ESR1: variants seen among roughly 807,000 people sequenced by gnomAD.
ESR1 encodes estrogen receptor 1.
ESR1 carries 12 observed loss-of-function variants against 52.7 expected under a neutral mutation model. The ratio of observed to expected loss-of-function variants is 0.23; its 90% CI spans 0.15 to 0.37. The LOEUF is 0.37. Among genes scored for constraint, ESR1 ranks in the 10% least tolerant of loss-of-function variants. ESR1 has a pLI of 1.00. For missense variants in ESR1, 584 were observed against 779.7 expected, an observed-to-expected ratio of 0.75 and a Z score of 2.99; for synonymous variants, 305 against 316.8, an observed-to-expected ratio of 0.96 and a Z score of 0.39.
intron 4 of ESR1, among the ~76,000 whole-genome samples, chr6:151,959,759 G>C (rs1260710307): frequency 6.6e-6 from 1 of 152,094 alleles, no homozygotes; most frequent in South Asian, 2.1e-4. Flanking sequence ...AACTGAAGTT[G>C]GTTGAGCTTT....
chr6:151,943,098 G>T (rs2035271840), intron 3 of ESR1, among the ~76,000 whole-genome samples: 1 of 152,008 alleles, frequency 6.6e-6, no homozygotes, highest in African/African-American at 2.4e-5. Flanking sequence ...CCTTTGTGGG[G>T]GGCCGGGCAC....
At chr6:151,811,569 G>A (rs1778840627) in intron 1 of ESR1, among the ~76,000 whole-genome samples, 1 of 152,026 alleles carries the variant, frequency 6.6e-6, no homozygotes, top group African/African-American at 2.4e-5. Flanking sequence ...TGCATATTTT[G>A]GACAACTAAT....
In ESR1 at chr6:151,703,853, A is replaced by G. The variant is rs1001902723; in HGVS notation, c.-71+1848A>G. Among the ~76,000 whole-genome samples, 35 of 152,276 alleles carry G rather than the reference A, an allele frequency of 2.3e-4. 1 individual carries two copies. Among genetic ancestry groups the G allele is most frequent in the Admixed American group, 1.9e-3 (29 of 15,304 alleles). ...TTGAAGTCTTAGATCCAAAACTTTG[A>G]TTCCAGAAAGGTCTAAGGTGCTGTT... On this transcript the variant is annotated intron_variant, in intron 2 of 2. Coordinates refer to the ESR1 transcript ENST00000404742.
chr6:151,975,672 G>A (rs1421044214), intron 4 of ESR1, among the ~76,000 whole-genome samples: 1 of 152,080 alleles, frequency 6.6e-6, no homozygotes, highest in Non-Finnish European at 1.5e-5. Context: ...CACACATTAT[G>A]GAGAATAATC....
At chr6:151,790,624 CT>C (rs1053982894) in intron 2 of ESR1, among the ~76,000 whole-genome samples, 38 of 150,990 alleles carry the variant, frequency 2.5e-4, no homozygotes, top group African/African-American at 9.3e-4. Flanking sequence ...TTAGACTTTA[CT>C]TTGGAATGTG....
At chr6:151,819,543 A>G (rs1381377979) in intron 1 of ESR1, among the ~76,000 whole-genome samples, 2 of 152,196 alleles carry the variant, frequency 1.3e-5, no homozygotes, top group East Asian at 3.9e-4. Context: ...TGAACTGTGT[A>G]TGTGAGGGAT....
At position 151,974,879 on chromosome 6, in the gene ESR1, A is replaced by G. The variant is rs1468053524; in HGVS notation, c.1096+30371A>G. Reference sequence around the variant, plus strand: ...CGCTCTGTCTCTGCCTAGCAGCGCTAGTCTTTTCTACGTGTTTGATCTGTT... The same window carrying G: ...CGCTCTGTCTCTGCCTAGCAGCGCTGGTCTTTTCTACGTGTTTGATCTGTT... On this transcript the variant is annotated intron_variant, in intron 4 of 7. Transcript: ENST00000206249. 4.6e-5 allele frequency among the ~76,000 whole-genome samples: 7 copies of G among 152,190 alleles called. No homozygotes were observed. In the South Asian group the frequency reaches 1.0e-3, roughly 22 times the overall value.
At chr6:151,943,791 T>A (rs1180733407) in intron 3 of ESR1, among the ~76,000 whole-genome samples, 1 of 152,228 alleles carries the variant, frequency 6.6e-6, no homozygotes, top group Non-Finnish European at 1.5e-5. Flanking sequence ...CTGTTCTTTT[T>A]ATAACACCTG....
chr6:151,879,843 G>A (rs1049652652), intron 2 of ESR1, among the ~76,000 whole-genome samples: 4 of 152,034 alleles, frequency 2.6e-5, no homozygotes, highest in South Asian at 2.1e-4. Context: ...ACTGAACTTC[G>A]TCACCACCCA....
chr6:151,770,723 C>T (rs1366751497), intron 2 of ESR1, among the ~76,000 whole-genome samples: 2 of 151,936 alleles, frequency 1.3e-5, no homozygotes, highest in Non-Finnish European at 2.9e-5. Flanking sequence ...TGTAATTTTA[C>T]TGTTATAAAT....
intron 1 of ESR1, among the ~76,000 whole-genome samples, chr6:151,839,879 T>C (rs1783999515): frequency 6.6e-6 from 1 of 152,148 alleles, no homozygotes; most frequent in Admixed American, 6.6e-5. Context: ...GAAGACTGGT[T>C]GCACGATGAT....
chr6:151,779,950 A>G (rs1786390199), intron 2 of ESR1, among the ~76,000 whole-genome samples: 1 of 151,586 alleles, frequency 6.6e-6, no homozygotes, highest in African/African-American at 2.4e-5. Context: ...ACCATGGAAT[A>G]CTATGCAGCC....
chr6:152,105,945 G>A (rs1407360361), downstream of ESR1, among the ~76,000 whole-genome samples: 10 of 149,216 alleles, frequency 6.7e-5, no homozygotes, highest in South Asian at 1.8e-3. Context: ...CCGCCACCGC[G>A]CCCGGCTAAT....
chr6:151,681,185 G>A (rs1778445602), intron 1 of ESR1, among the ~76,000 whole-genome samples: 1 of 152,134 alleles, frequency 6.6e-6, no homozygotes, highest in African/African-American at 2.4e-5. Context: ...TGATGTGTTG[G>A]TCAAGCCCAG....
intron 5 of ESR1, among the ~76,000 whole-genome samples, chr6:152,057,691 G>GCA (rs1252666229): frequency 1.8e-5 from 2 of 110,574 alleles, no homozygotes; most frequent in African/African-American, 4.6e-5. Flanking sequence ...ACATACACAT[G>GCA]CATACACACA....
At chr6:151,937,982 T>C (rs988148455) in intron 3 of ESR1, among the ~76,000 whole-genome samples, 7 of 152,198 alleles carry the variant, frequency 4.6e-5, no homozygotes, top group Non-Finnish European at 1.0e-4. Context: ...CCACAGAAAG[T>C]TGTATTAGTT....
chr6:152,089,491 G>T (rs2050006601), intron 6 of ESR1, among the ~76,000 whole-genome samples: 1 of 152,228 alleles, frequency 6.6e-6, no homozygotes, highest in African/African-American at 2.4e-5. Context: ...ATAATTTGGA[G>T]AAAATATATT....
intron 1 of ESR1, among the ~76,000 whole-genome samples, chr6:151,834,541 G>T (rs1387566384): frequency 2.0e-5 from 3 of 152,022 alleles, no homozygotes; most frequent in Non-Finnish European, 4.4e-5. Flanking sequence ...CACACCTGGG[G>T]TCTATCAGGG....
intron 3 of ESR1, among the ~76,000 whole-genome samples, chr6:151,909,234 G>A (rs1797890547): frequency 6.6e-6 from 1 of 152,174 alleles, no homozygotes; most frequent in Non-Finnish European, 1.5e-5. Context: ...GAAAAACCCT[G>A]TTCTTTGGCA....
Sources: allele counts gnomAD v4.1 joint callset (sites outside exome capture counted in the v4.1 genomes callset), GRCh38; gene constraint gnomAD v4.1.1; transcripts MANE v1.5; gene names NCBI Gene and HGNC (gene_info 2026-07-23, HGNC 2026-07-21).